CARMIL1: variants seen among roughly 807,000 people sequenced by gnomAD.
CARMIL1 encodes capping protein regulator and myosin 1 linker 1.
In CARMIL1, 90 loss-of-function variants were observed where a neutral mutation model predicts 177.1. The ratio of observed to expected loss-of-function variants is 0.51; its 90% CI spans 0.43 to 0.61. The LOEUF (loss-of-function observed/expected upper bound fraction) is 0.61, where lower values mean the gene tolerates loss of function less well. Ranked by LOEUF, CARMIL1 falls within the 20% of genes least tolerant of loss-of-function variation. The probability of loss-of-function intolerance (pLI) is 0.00; values close to 1 mark genes in which losing one functional copy is unlikely to be tolerated. For missense variants in CARMIL1, 1,380 were observed against 1,667.0 expected, an observed-to-expected ratio of 0.83 and a Z score of 3.00; for synonymous variants, 577 against 606.2, an observed-to-expected ratio of 0.95 and a Z score of 0.71.
chr6:25,594,275 A>G (rs1814602264), intron 31 of CARMIL1, 140 bp from the exon 32 acceptor site: 1 of 570,942 alleles, frequency 1.8e-6, no homozygotes, highest in Non-Finnish European at 3.1e-6. Context: ...TATGGCTTCT[A>G]TTCCTGTAGA....
intron 29 of CARMIL1, among the ~76,000 whole-genome samples, chr6:25,580,524 G>A (rs1365471966): frequency 6.6e-6 from 1 of 152,198 alleles, no homozygotes; most frequent in Non-Finnish European, 1.5e-5. Flanking sequence ...ATGTGACACA[G>A]AAAGAGGTCA....
chr6:25,310,694 A>G (rs1783739926), intron 2 of CARMIL1, among the ~76,000 whole-genome samples: 1 of 152,192 alleles, frequency 6.6e-6, no homozygotes, highest in Non-Finnish European at 1.5e-5. Context: ...TTGGAGAGAT[A>G]CAGGAGAGAG....
chr6:25,449,646 A>G (rs968011508), intron 5 of CARMIL1, among the ~76,000 whole-genome samples: 5 of 152,266 alleles, frequency 3.3e-5, no homozygotes, highest in African/African-American at 1.2e-4. Context: ...ATCTAACATT[A>G]TAAAACTATA....
At chr6:25,559,493 T>G (rs1285718026) in intron 29 of CARMIL1, among the ~76,000 whole-genome samples, 1 of 152,200 alleles carries the variant, frequency 6.6e-6, no homozygotes, top group Non-Finnish European at 1.5e-5. Context: ...GAAGGGCAAG[T>G]ACATAAGTAC....
intron 29 of CARMIL1, among the ~76,000 whole-genome samples, chr6:25,560,783 A>G (rs1234760673): frequency 6.6e-6 from 1 of 152,228 alleles, no homozygotes; most frequent in Non-Finnish European, 1.5e-5. Context: ...TTTCTGTAAA[A>G]TAGGTGCTTA....
chr6:25,283,214 C>T (rs1781273311), intron 1 of CARMIL1, among the ~76,000 whole-genome samples: 1 of 152,128 alleles, frequency 6.6e-6, no homozygotes, highest in African/African-American at 2.4e-5. Context: ...CCTTGAATGG[C>T]ATGCCATGAG....
intron 8 of CARMIL1, chr6:25,452,383 A>G: frequency 1.7e-6 from 1 of 602,872 alleles, no homozygotes; most frequent in Non-Finnish European, 2.9e-6. Context: ...ATTTTCCAAT[A>G]AAACAAGAAA....
intron 29 of CARMIL1, among the ~76,000 whole-genome samples, chr6:25,580,617 A>G (rs1165967105): frequency 1.3e-5 from 2 of 152,156 alleles, no homozygotes; most frequent in Non-Finnish European, 2.9e-5. Flanking sequence ...ACAGTCTTTG[A>G]TTTTTATTTA....
intron 2 of CARMIL1, among the ~76,000 whole-genome samples, chr6:25,300,663 C>CA: frequency 6.6e-6 from 1 of 152,112 alleles, no homozygotes; most frequent in Non-Finnish European, 1.5e-5. Context: ...CCAAACAAAA[C>CA]AAAAAAGCAA....
At chr6:25,468,476 T>A (rs188760416) in intron 9 of CARMIL1, among the ~76,000 whole-genome samples, 278 of 152,374 alleles carry the variant, frequency 1.8e-3, no homozygotes, top group African/African-American at 5.8e-3. Flanking sequence ...TAGTTTTTGT[T>A]GTTTACATTC....
intron 31 of CARMIL1, among the ~76,000 whole-genome samples, chr6:25,590,680 C>T (rs1393596885): frequency 2.0e-5 from 3 of 152,054 alleles, no homozygotes. Context: ...TAGATCTGTT[C>T]AGGTTACCTA....
rs941652818 is a variant in CARMIL1, at chr6:25,279,572, A to C, written c.-224A>C. 57 of 591,508 alleles carry C rather than the reference A, an allele frequency of 9.6e-5. No individual in the cohort carries two copies. The highest frequency in any genetic ancestry group is 1.6e-4 in the Non-Finnish European group (54 of 331,134). 36.6% of individuals were successfully genotyped at this position (591,508 alleles called of 1,614,324 possible). A position where few individuals can be genotyped will look rare whatever the true frequency, so the allele number is the denominator to read the frequency against. Reference sequence around the variant, plus strand: ...CCGCCGGGAACTGCGAGGAGGCGTCATGTAGCAGCAGCAGCAAATCCGCCT... The same window carrying C: ...CCGCCGGGAACTGCGAGGAGGCGTCCTGTAGCAGCAGCAGCAAATCCGCCT... On this transcript the variant is annotated 5_prime_UTR_variant, in exon 1 of 37. It removes an upstream start codon present in the reference 5' UTR. Transcript: ENST00000329474.
Position 25,293,547 on chromosome 6 carries a change from A to AT in CARMIL1, c.138+8649dup, listed in dbSNP as rs1167312947. On this transcript the variant is annotated intron_variant, in intron 2 of 36. Transcript: ENST00000329474. ...CTACAATCACATGCCACCATGCCGA[A>AT]TTTTTTTTTTTCCTAGAGATGGGGT... Among the ~76,000 whole-genome samples, 460 of 147,554 alleles carry AT rather than the reference A, an allele frequency of 3.1e-3. 2 individuals are homozygous for AT. The highest frequency in any genetic ancestry group is 0.01 in the African/African-American group (409 of 40,338).
chr6:25,592,640 G>A (rs960731701), intron 31 of CARMIL1, among the ~76,000 whole-genome samples: 5 of 152,272 alleles, frequency 3.3e-5, no homozygotes, highest in East Asian at 3.9e-4. Flanking sequence ...GTTCATTTTC[G>A]TAATGAGAGC....
At chr6:25,580,210 T>A (rs942178910) in intron 29 of CARMIL1, among the ~76,000 whole-genome samples, 4 of 152,218 alleles carry the variant, frequency 2.6e-5, no homozygotes, top group Admixed American at 6.5e-5. Context: ...ATGACAAAGC[T>A]TCCCTCCGTC....
rs763799271 is a variant in CARMIL1 at position 25,517,424 on chromosome 6, G to A, written c.1874+9G>A. ...GCTGTTGCTATGGAAAAGTAAGTTT[G>A]AATTAGGATTTCTTTCTAGGAAAAT... On this transcript the variant is annotated intron_variant, in intron 22 of 36. Coordinates refer to ENST00000329474, the MANE Select transcript of CARMIL1 (RefSeq NM_017640.6). 4 of 1,609,412 alleles carry A rather than the reference G, an allele frequency of 2.5e-6. No individual in the cohort carries two copies. Among genetic ancestry groups the A allele is most frequent in the Non-Finnish European group, 3.4e-6 (4 of 1,176,676 alleles).
intron 29 of CARMIL1, among the ~76,000 whole-genome samples, chr6:25,568,387 C>T (rs1037827006): frequency 6.6e-6 from 1 of 152,194 alleles, no homozygotes. Flanking sequence ...TAAGGATCAG[C>T]GCCCAGCCTA....
chr6:25,386,752 T>A (rs1792200959), intron 2 of CARMIL1, among the ~76,000 whole-genome samples: 1 of 152,172 alleles, frequency 6.6e-6, no homozygotes. Context: ...GTCATTTTTA[T>A]TGATTTTACT....
chr6:25,541,588 C>T (rs1338319882), intron 26 of CARMIL1, among the ~76,000 whole-genome samples: 1 of 152,142 alleles, frequency 6.6e-6, no homozygotes, highest in Non-Finnish European at 1.5e-5. Flanking sequence ...GCCACATCTT[C>T]AACAATGCTA....
Sources: allele counts gnomAD v4.1 joint callset (sites outside exome capture counted in the v4.1 genomes callset), GRCh38; gene constraint gnomAD v4.1.1; transcripts MANE v1.5; gene names NCBI Gene and HGNC (gene_info 2026-07-23, HGNC 2026-07-21).